PLD5: variants seen among roughly 807,000 people sequenced by gnomAD.
The protein encoded by PLD5 is phospholipase D family member 5, also known as inactive phospholipase D5.
PLD5 carries 36 observed loss-of-function variants against 61.1 expected under a neutral mutation model. That is an observed-to-expected ratio of 0.59 (90% CI 0.45 to 0.78). The LOEUF (loss-of-function observed/expected upper bound fraction) is 0.78, where lower values mean the gene tolerates loss of function less well. PLD5 is among the 30% of genes least tolerant of loss of function. The pLI is 0.00. For synonymous variants in PLD5, 243 were observed against 242.8 expected, an observed-to-expected ratio of 1.00 and a Z score of -0.01; for missense variants, 515 against 644.4, an observed-to-expected ratio of 0.80 and a Z score of 2.17.
At chr1:242,244,655 C>T (rs1376878548) in intron 4 of PLD5, among the ~76,000 whole-genome samples, 1 of 152,206 alleles carries the variant, frequency 6.6e-6, no homozygotes, top group Non-Finnish European at 1.5e-5. Flanking sequence ...GAGAGTGTTG[C>T]TTCCTTACGG....
chr1:242,491,416 A>G lies in PLD5; in HGVS notation c.189+32672T>C, dbSNP rs563327005. 4.9e-4 allele frequency among the ~76,000 whole-genome samples: 74 copies of G among 152,366 alleles called. 1 individual carries two copies. Among genetic ancestry groups the G allele is most frequent in the Non-Finnish European group, 7.3e-4 (50 of 68,032 alleles). On this transcript the variant is annotated intron_variant, in intron 1 of 9. Transcript: ENST00000536534. ...GCGCACACACACACATAAACACACA[A>G]TTACATAGATGCCTTAGAAAACACC... is the stretch of plus-strand genomic sequence containing the variant.
At chr1:242,318,791 A>G (rs1254473583) in intron 2 of PLD5, among the ~76,000 whole-genome samples, 1 of 152,004 alleles carries the variant, frequency 6.6e-6, no homozygotes, top group Non-Finnish European at 1.5e-5. Context: ...CATCTAGGCT[A>G]TAACTTTTTT....
intron 4 of PLD5, among the ~76,000 whole-genome samples, chr1:242,254,784 G>A (rs1365244028): frequency 1.3e-5 from 2 of 152,198 alleles, no homozygotes; most frequent in South Asian, 2.1e-4. Flanking sequence ...GGCCACAAAA[G>A]TACCTGTTCC....
chr1:242,508,077 T>C (rs928465991), intron 1 of PLD5, among the ~76,000 whole-genome samples: 1 of 151,794 alleles, frequency 6.6e-6, no homozygotes, highest in South Asian at 2.1e-4. Flanking sequence ...AAGAAATGTG[T>C]GTTTGGCTGG....
At chr1:242,323,939 T>G (rs530029536) in intron 2 of PLD5, among the ~76,000 whole-genome samples, 2 of 152,168 alleles carry the variant, frequency 1.3e-5, no homozygotes, top group African/African-American at 4.8e-5. Context: ...CGTAGTGTGT[T>G]CAAGGCAGGA....
intron 1 of PLD5, among the ~76,000 whole-genome samples, chr1:242,456,205 C>T (rs1666939731): frequency 6.6e-6 from 1 of 152,210 alleles, no homozygotes; most frequent in Non-Finnish European, 1.5e-5. Context: ...AGTTTGGTTC[C>T]ATTCAGTGAC....
At chr1:242,364,658 G>C (rs1474259129) in intron 1 of PLD5, among the ~76,000 whole-genome samples, 1 of 152,202 alleles carries the variant, frequency 6.6e-6, no homozygotes, top group Non-Finnish European at 1.5e-5. Context: ...GGAGGTTGCA[G>C]TGAGCCAAGA....
At chr1:242,109,573 C>T (rs1410737449) in intron 7 of PLD5, among the ~76,000 whole-genome samples, 1 of 152,252 alleles carries the variant, frequency 6.6e-6, no homozygotes, top group African/African-American at 2.4e-5. Flanking sequence ...ATCTCTGGTT[C>T]CTGGCCCTTG....
intron 2 of PLD5, among the ~76,000 whole-genome samples, chr1:242,306,866 C>G (rs1286979020): frequency 6.6e-6 from 1 of 152,190 alleles, no homozygotes; most frequent in Non-Finnish European, 1.5e-5. Flanking sequence ...TAAACCCATT[C>G]CATGAAACAC....
chr1:242,527,100 G>A (rs1326007146), upstream of PLD5, among the ~76,000 whole-genome samples: 3 of 135,340 alleles, frequency 2.2e-5, no homozygotes, highest in East Asian at 6.4e-4. Context: ...TGCAGTAGTT[G>A]CTACTATCTC....
intron 1 of PLD5, among the ~76,000 whole-genome samples, chr1:242,440,404 A>C (rs933553730): frequency 3.9e-5 from 6 of 152,178 alleles, no homozygotes; most frequent in African/African-American, 1.2e-4. Flanking sequence ...TGGGTGGTGC[A>C]GGCTACACCC....
At chr1:242,495,648 A>G (rs968324104) in intron 1 of PLD5, among the ~76,000 whole-genome samples, 3 of 152,224 alleles carry the variant, frequency 2.0e-5, no homozygotes, top group Admixed American at 6.5e-5. Flanking sequence ...AAATGGAAAA[A>G]AATAGAATGT....
At chr1:242,468,743 C>T (rs1667352521) in intron 1 of PLD5, among the ~76,000 whole-genome samples, 1 of 151,760 alleles carries the variant, frequency 6.6e-6, no homozygotes, top group East Asian at 1.9e-4. Flanking sequence ...ATACTTTTTC[C>T]CATCAATTTC....
At chr1:242,469,586 C>A (rs1667377180) in intron 1 of PLD5, among the ~76,000 whole-genome samples, 1 of 152,150 alleles carries the variant, frequency 6.6e-6, no homozygotes, top group South Asian at 2.1e-4. Flanking sequence ...TCATAACTCA[C>A]TGTAACCTTG....
chr1:242,511,738 G>C (rs1378576203), intron 1 of PLD5, among the ~76,000 whole-genome samples: 1 of 152,140 alleles, frequency 6.6e-6, no homozygotes, highest in Non-Finnish European at 1.5e-5. Context: ...GCAACTAAAT[G>C]CAATGTGGTA....
At chr1:242,386,178 T>C (rs978644115) in intron 1 of PLD5, among the ~76,000 whole-genome samples, 1 of 152,210 alleles carries the variant, frequency 6.6e-6, no homozygotes, top group East Asian at 1.9e-4. Context: ...ACCACTTTAT[T>C]TTAACTTTAT....
At chr1:242,222,215 A>C (rs1670637849) in intron 4 of PLD5, among the ~76,000 whole-genome samples, 2 of 151,832 alleles carry the variant, frequency 1.3e-5, no homozygotes, top group African/African-American at 4.8e-5. Context: ...TTAACTAATT[A>C]CATCTGTAAA....
intron 9 of PLD5, among the ~76,000 whole-genome samples, chr1:242,097,232 A>T (rs954401114): frequency 6.6e-6 from 1 of 152,140 alleles, no homozygotes; most frequent in African/African-American, 2.4e-5. Context: ...GTCTTTATAG[A>T]AGCATGATTT....
At chr1:242,168,684 C>G (rs1336313798) in intron 5 of PLD5, among the ~76,000 whole-genome samples, 1 of 152,082 alleles carries the variant, frequency 6.6e-6, no homozygotes, top group Non-Finnish European at 1.5e-5. Context: ...AAACAACAAT[C>G]CGCTGCAAAA....
Sources: allele counts gnomAD v4.1 joint callset (sites outside exome capture counted in the v4.1 genomes callset), GRCh38; gene constraint gnomAD v4.1.1; transcripts MANE v1.5; gene names NCBI Gene and HGNC (gene_info 2026-07-23, HGNC 2026-07-21).